The following GPC6 variants were observed in gnomAD, a reference collection of about 807,000 sequenced individuals.
The protein encoded by GPC6 is glypican-6.
A neutral mutation model predicts 55.2 loss-of-function variants in GPC6; 14 were observed. That is an observed-to-expected ratio of 0.25 (90% CI 0.17 to 0.40). The LOEUF is 0.40. Among genes scored for constraint, GPC6 ranks in the 10% least tolerant of loss-of-function variants. GPC6 has a pLI of 1.00. For synonymous variants in GPC6, 278 were observed against 259.6 expected (o/e 1.07, Z -0.68); for missense variants, 641 against 708.5 (o/e 0.90, Z 1.08).
chr13:93,944,665 C>T (rs1333363920), intron 3 of GPC6, among the ~76,000 whole-genome samples: 1 of 152,174 alleles, frequency 6.6e-6, no homozygotes, highest in Non-Finnish European at 1.5e-5. Flanking sequence ...ATGATGTTTA[C>T]CTTGTTCTCA....
At chr13:94,387,127 A>G (rs908679365) in intron 7 of GPC6, among the ~76,000 whole-genome samples, 2 of 152,128 alleles carry the variant, frequency 1.3e-5, no homozygotes, top group Non-Finnish European at 1.5e-5. Flanking sequence ...GCAGGGTGCA[A>G]TCTGCAGTGT....
At chr13:94,091,850 A>G (rs1448711465) in intron 4 of GPC6, among the ~76,000 whole-genome samples, 1 of 151,330 alleles carries the variant, frequency 6.6e-6, no homozygotes, top group Non-Finnish European at 1.5e-5. Context: ...TTTCCTCACT[A>G]TGGTAACTGG....
At chr13:94,060,772 G>T (rs779594194) in intron 4 of GPC6, among the ~76,000 whole-genome samples, 1 of 152,118 alleles carries the variant, frequency 6.6e-6, no homozygotes, top group Non-Finnish European at 1.5e-5. Flanking sequence ...ATATTTAGGG[G>T]TAATAATAGA....
At chr13:94,105,674 A>G (rs1886027598) in intron 4 of GPC6, among the ~76,000 whole-genome samples, 1 of 152,208 alleles carries the variant, frequency 6.6e-6, no homozygotes, top group Non-Finnish European at 1.5e-5. Context: ...GCGTGGTTGG[A>G]AGAAGAAAAG....
At chr13:94,341,867 T>A (rs1448995596) in intron 6 of GPC6, among the ~76,000 whole-genome samples, 1 of 152,210 alleles carries the variant, frequency 6.6e-6, no homozygotes, top group African/African-American at 2.4e-5. Context: ...TAGAAATCAT[T>A]TTATACCTCA....
chr13:94,218,993 A>C (rs193248175), intron 4 of GPC6, among the ~76,000 whole-genome samples: 7 of 152,326 alleles, frequency 4.6e-5, no homozygotes, highest in Admixed American at 3.3e-4. Context: ...TCATTTAAAA[A>C]ATGATATGAT....
intron 4 of GPC6, among the ~76,000 whole-genome samples, chr13:94,087,253 C>T (rs368150880): frequency 3.3e-5 from 5 of 152,222 alleles, no homozygotes; most frequent in Non-Finnish European, 7.4e-5. Context: ...AATCAGAGGG[C>T]GGAGACCTGC....
chr13:94,406,174 A>T lies in GPC6; in HGVS notation c.*2957A>T, dbSNP rs1594248446. 3 of 152,146 alleles carry T rather than the reference A, an allele frequency of 2.0e-5. No homozygotes were observed. The highest frequency in any genetic ancestry group is 7.2e-5 in the African/African-American group (3 of 41,442). 9.4% of individuals were successfully genotyped at this position (152,146 alleles called of 1,614,324 possible). A position where few individuals can be genotyped will look rare whatever the true frequency, so the allele number is the denominator to read the frequency against. On this transcript the variant is annotated 3_prime_UTR_variant, in exon 9 of 9. Coordinates refer to ENST00000377047, the MANE Select transcript of GPC6 (RefSeq NM_005708.5). ...GCTCATAACTGCAAACACTTAGCTT[A>T]TTGAAGTGCCTCTATTTACATGTTC... is the stretch of plus-strand genomic sequence containing the variant.
intron 1 of GPC6, among the ~76,000 whole-genome samples, chr13:93,414,277 A>G (rs775309256): frequency 6.6e-6 from 1 of 152,032 alleles, no homozygotes; most frequent in African/African-American, 2.4e-5. Context: ...CTCCCCTAAC[A>G]GCTAAGATGC....
chr13:94,179,024 C>T (rs1040999418), intron 4 of GPC6, among the ~76,000 whole-genome samples: 1 of 152,124 alleles, frequency 6.6e-6, no homozygotes, highest in Non-Finnish European at 1.5e-5. Flanking sequence ...ACAAGATACA[C>T]GCGGTCTAGA....
chr13:94,272,438 TTTTTCTTTTC>T (rs201159076), intron 4 of GPC6, among the ~76,000 whole-genome samples: 42 of 136,708 alleles, frequency 3.1e-4, no homozygotes, highest in African/African-American at 9.7e-4. Flanking sequence ...GTCCTGCTTC[TTTTTCTTTTC>T]TTTTCTTTTC....
chr13:93,933,578 C>G (rs2140356712), intron 3 of GPC6, among the ~76,000 whole-genome samples: 1 of 151,878 alleles, frequency 6.6e-6, no homozygotes, highest in South Asian at 2.1e-4. Flanking sequence ...TCATATCAGA[C>G]TATTGTGAGA....
At chr13:94,264,003 C>A (rs1382086552) in intron 4 of GPC6, among the ~76,000 whole-genome samples, 1 of 152,114 alleles carries the variant, frequency 6.6e-6, no homozygotes, top group East Asian at 1.9e-4. Flanking sequence ...ACTATTGTCT[C>A]CCATGGCAAC....
chr13:93,882,701 A>C (rs1875070088), intron 3 of GPC6, among the ~76,000 whole-genome samples: 2 of 152,156 alleles, frequency 1.3e-5, no homozygotes, highest in East Asian at 3.8e-4. Context: ...CTGTATCTGA[A>C]ATTTATATAA....
chr13:93,722,847 G>A (rs1480780201), intron 2 of GPC6, among the ~76,000 whole-genome samples: 2 of 151,648 alleles, frequency 1.3e-5, no homozygotes, highest in African/African-American at 4.8e-5. Flanking sequence ...TCCAATCTCT[G>A]CCTCCATCAT....
intron 1 of GPC6, among the ~76,000 whole-genome samples, chr13:93,284,798 G>A (rs946545472): frequency 6.6e-6 from 1 of 152,166 alleles, no homozygotes; most frequent in African/African-American, 2.4e-5. Flanking sequence ...GCTTAGATAA[G>A]TACAATAATA....
At chr13:93,693,567 C>G (rs1793573677) in intron 2 of GPC6, among the ~76,000 whole-genome samples, 2 of 151,996 alleles carry the variant, frequency 1.3e-5, no homozygotes, top group African/African-American at 4.8e-5. Context: ...GCACCTCTGT[C>G]TCCTGGGCGC....
chr13:93,436,937 T>C (rs73552686), intron 1 of GPC6, among the ~76,000 whole-genome samples: 5,328 of 152,202 alleles, frequency 0.035, 310 homozygotes, highest in African/African-American at 0.12. Context: ...CTGCTTTGAA[T>C]TAGTCTGTTG....
chr13:93,543,139 C>A lies in GPC6; in HGVS notation c.161-2124C>A, dbSNP rs9524117. ...GAATGCTTCCAGTTTTAGCCCATTC[C>A]ATATGATATTGGCTGTGGGTTTGTC... On this transcript the variant is annotated intron_variant, in intron 1 of 8. Transcript: ENST00000377047. Among the ~76,000 whole-genome samples, 21 of 151,936 alleles carry A rather than the reference C, an allele frequency of 1.4e-4. 1 individual carries two copies. In the East Asian group the frequency reaches 3.3e-3, roughly 24 times the overall value.
Sources: allele counts gnomAD v4.1 joint callset (sites outside exome capture counted in the v4.1 genomes callset), GRCh38; gene constraint gnomAD v4.1.1; transcripts MANE v1.5; gene names NCBI Gene and HGNC (gene_info 2026-07-23, HGNC 2026-07-21).